The following TGFBR3 variants were observed in gnomAD, a reference collection of about 807,000 sequenced individuals.
TGFBR3 encodes transforming growth factor beta receptor 3.
A neutral mutation model predicts 87.9 loss-of-function variants in TGFBR3; 46 were observed. The ratio of observed to expected loss-of-function variants is 0.52; its 90% CI spans 0.41 to 0.67. The LOEUF (loss-of-function observed/expected upper bound fraction) is 0.67, where lower values mean the gene tolerates loss of function less well. Among genes scored for constraint, TGFBR3 ranks in the 30% least tolerant of loss-of-function variants. The pLI, the probability that TGFBR3 is intolerant of heterozygous loss-of-function variation, is 0.00. For missense variants in TGFBR3, 866 were observed against 1,041.9 expected, an observed-to-expected ratio of 0.83 and a Z score of 2.32; for synonymous variants, 381 against 391.6, an observed-to-expected ratio of 0.97 and a Z score of 0.32.
intron 1 of TGFBR3, among the ~76,000 whole-genome samples, chr1:91,904,288 A>ATTTT (rs1285182606): frequency 1.1e-4 from 14 of 126,104 alleles, no homozygotes; most frequent in African/African-American, 3.7e-4. Context: ...CAGGGCTTGG[A>ATTTT]TTTTTTTTTT....
intron 13 of TGFBR3, 107 bp downstream of exon 13, chr1:91,712,136 G>T: frequency 1.1e-6 from 1 of 950,780 alleles, no homozygotes; most frequent in South Asian, 1.4e-5. Context: ...TTTCAGTTGG[G>T]CAGTTCCAAA....
intron 8 of TGFBR3, 91 bp downstream of exon 8, chr1:91,721,864 C>T (rs938405028): frequency 9.1e-6 from 11 of 1,214,536 alleles, no homozygotes; most frequent in African/African-American, 1.5e-5. Context: ...AAGAGAAAAA[C>T]AGCAACATAT....
intron 3 of TGFBR3, 94 bp downstream of exon 3, chr1:91,797,193 G>C (rs1046402368): frequency 5.4e-5 from 74 of 1,368,180 alleles, no homozygotes; most frequent in Non-Finnish European, 7.4e-5. Context: ...AGCTTCTTTT[G>C]TTGAACCCCA....
chr1:91,822,455 T>TG (rs1269409338), intron 2 of TGFBR3, among the ~76,000 whole-genome samples: 1 of 152,092 alleles, frequency 6.6e-6, no homozygotes, highest in African/African-American at 2.4e-5. Context: ...TAATCTATTT[T>TG]GGGGGCTCAG....
At chr1:91,898,196 C>T (rs1247218340) in intron 2 of TGFBR3, among the ~76,000 whole-genome samples, 1 of 152,130 alleles carries the variant, frequency 6.6e-6, no homozygotes, top group East Asian at 1.9e-4. Context: ...CAGAGGTAAC[C>T]ACTTTCAGGA....
chr1:91,849,878 T>A (rs572599172), intron 2 of TGFBR3, among the ~76,000 whole-genome samples: 5 of 151,834 alleles, frequency 3.3e-5, no homozygotes, highest in African/African-American at 1.2e-4. Context: ...GTCAGGAGAT[T>A]GAGACCATCC....
At chr1:91,851,133 T>C (rs1416930034) in intron 2 of TGFBR3, among the ~76,000 whole-genome samples, 3 of 152,130 alleles carry the variant, frequency 2.0e-5, no homozygotes, top group Non-Finnish European at 1.5e-5. Flanking sequence ...CACATTACAC[T>C]GTAGATTTTT....
Position 91,683,433 on chromosome 1 carries a change from A to T in TGFBR3, c.*306T>A, listed in dbSNP as rs769937561. 21 of 595,352 alleles carry T rather than the reference A, an allele frequency of 3.5e-5. 1 individual carries two copies. Among genetic ancestry groups the T allele is most frequent in the South Asian group, 2.9e-4 (19 of 65,762 alleles). 36.9% of individuals were successfully genotyped at this position (595,352 alleles called of 1,614,324 possible). ...TCACCTGGACAAAGCAGCATTTTAA[A>T]AACTGGCATGTGTTTCACATTGAAA... On this transcript the variant is annotated 3_prime_UTR_variant, in exon 17 of 17. Transcript: ENST00000212355.
At chr1:91,894,276 G>A (rs1224359667) in intron 2 of TGFBR3, among the ~76,000 whole-genome samples, 1 of 152,100 alleles carries the variant, frequency 6.6e-6, no homozygotes, top group Non-Finnish European at 1.5e-5. Flanking sequence ...CTTTCATCCT[G>A]TAGTAATTCC....
intron 16 of TGFBR3, among the ~76,000 whole-genome samples, chr1:91,687,612 G>A (rs1419013364): frequency 6.6e-6 from 1 of 152,108 alleles, no homozygotes; most frequent in Non-Finnish European, 1.5e-5. Flanking sequence ...TGGTATTTAG[G>A]CCAAAGGAGA....
chr1:91,682,116 T>C lies in TGFBR3; in HGVS notation c.*1623A>G, dbSNP rs1241475180. The C allele has an allele frequency of 2.2e-6, 1 of 453,978 alleles. No homozygotes were observed. The highest frequency in any genetic ancestry group is 4.4e-6 in the Non-Finnish European group (1 of 226,778). 28.1% of individuals were successfully genotyped at this position (453,978 alleles called of 1,614,324 possible). ...GTCATATTATTACTCAACGATTTGG[T>C]AAAAATGATTGTCAATTTCCACATA... On this transcript the variant is annotated 3_prime_UTR_variant, in exon 17 of 17. Coordinates refer to ENST00000212355, the MANE Select transcript of TGFBR3 (RefSeq NM_003243.5).
rs76097743 is a variant in TGFBR3 at position 91,711,498 on chromosome 1, G to A, written c.2166+745C>T. ...CTTTTAGACATTGATATATGACTGC[G>A]AAAGGACTGGAAATCAGTTTACTCT... On this transcript the variant is annotated intron_variant, in intron 13 of 16. Transcript: ENST00000212355. Among the ~76,000 whole-genome samples, 143 of 152,272 alleles carry A rather than the reference G, an allele frequency of 9.4e-4. 1 individual carries two copies. The East Asian group carries it at 0.019, about 20-fold the overall frequency.
chr1:91,827,154 T>C (rs1212573394), intron 2 of TGFBR3, among the ~76,000 whole-genome samples: 2 of 152,100 alleles, frequency 1.3e-5, no homozygotes, highest in Non-Finnish European at 2.9e-5. Flanking sequence ...GAAGGTAAGC[T>C]CCCGGGGTGG....
intron 3 of TGFBR3, chr1:91,786,216 C>A (rs907822872): frequency 2.2e-6 from 1 of 456,032 alleles, no homozygotes; most frequent in Non-Finnish European, 4.4e-6. Context: ...AATAGTGATT[C>A]ATTGAACAGG....
Position 91,727,650 on chromosome 1 carries a change from C to T in TGFBR3, c.885+9G>A, listed in dbSNP as rs771943352. 1 of 1,614,070 alleles carries T rather than the reference C, an allele frequency of 6.2e-7. No homozygotes were observed. Among genetic ancestry groups the T allele is most frequent in the Non-Finnish European group, 8.5e-7 (1 of 1,179,956 alleles). ...TAAACAAAACAAAAGACATGCTCCA[C>T]CAACTTACAATAATTTTCAGGCTTC... On this transcript the variant is annotated intron_variant, in intron 7 of 16. Transcript: ENST00000212355.
chr1:91,833,049 C>T (rs1040707204), intron 2 of TGFBR3, among the ~76,000 whole-genome samples: 37 of 150,086 alleles, frequency 2.5e-4, no homozygotes, highest in Middle Eastern at 7.0e-3. Context: ...ATAATCCCAG[C>T]ACTTTGGGAG....
upstream of TGFBR3, among the ~76,000 whole-genome samples, chr1:91,890,979 C>CCT (rs1379108993): frequency 6.6e-6 from 1 of 151,738 alleles, no homozygotes; most frequent in Admixed American, 6.6e-5. Flanking sequence ...TTCACTGCAA[C>CCT]CTCTGCCTCC....
chr1:91,680,960 G>C lies in TGFBR3; in HGVS notation c.*2779C>G. On this transcript the variant is annotated 3_prime_UTR_variant, in exon 17 of 17. Transcript: ENST00000212355. The stretch of plus-strand genomic sequence containing the variant: ...AGTAACAGCTGGTAAACACCACATG[G>C]TGAAAAGCTATAGCGTATTATACAG... 2.2e-6 allele frequency: 1 copy of C among 454,104 alleles called. No individual in the cohort carries two copies. Among genetic ancestry groups the C allele is most frequent in the Non-Finnish European group, 4.4e-6 (1 of 226,792 alleles). 28.1% of individuals were successfully genotyped at this position (454,104 alleles called of 1,614,324 possible).
intron 7 of TGFBR3, among the ~76,000 whole-genome samples, chr1:91,722,661 T>C (rs1672410952): frequency 6.6e-6 from 1 of 152,164 alleles, no homozygotes; most frequent in Non-Finnish European, 1.5e-5. Flanking sequence ...AAATGCATCA[T>C]TAGGTGATTT....
Sources: allele counts gnomAD v4.1 joint callset (sites outside exome capture counted in the v4.1 genomes callset), GRCh38; gene constraint gnomAD v4.1.1; transcripts MANE v1.5; gene names NCBI Gene and HGNC (gene_info 2026-07-23, HGNC 2026-07-21).